Variants in RARA observed in about 807,000 individuals in gnomAD.
The protein encoded by RARA is PML-DDX5-RARA fusion.
A neutral mutation model predicts 42.8 loss-of-function variants in RARA; 5 were observed. The ratio of observed to expected loss-of-function variants is 0.12; its 90% CI spans 0.06 to 0.25. The LOEUF (loss-of-function observed/expected upper bound fraction) is 0.25, where lower values mean the gene tolerates loss of function less well. Ranked by LOEUF, RARA falls within the 10% of genes least tolerant of loss-of-function variation. The pLI is 1.00. For missense variants in RARA, 402 were observed against 628.7 expected (o/e 0.64, Z 3.86); for synonymous variants, 256 against 259.5 (o/e 0.99, Z 0.13).
At chr17:40,324,904 C>A (rs937430425) in intron 1 of RARA, among the ~76,000 whole-genome samples, 1 of 152,118 alleles carries the variant, frequency 6.6e-6, no homozygotes, top group Non-Finnish European at 1.5e-5. Context: ...TCCAGCTATC[C>A]CAGCCACCCT....
chr17:40,354,335 C>G lies in RARA; in HGVS notation c.841C>G (p.Gln281Glu), dbSNP rs1367641937. ...GATCTGCACGCGGTACACGCCCGAG[C>G]AGGACACCATGACCTTCTCGGACGG... is the stretch of plus-strand genomic sequence containing the variant. ...LRICTRYTPE[Q>E]DTMTFSDGLT... The change falls in exon 7 of 9, where the codon CAG becomes GAG. Residue 281 changes from glutamine (Q) to glutamate (E), a missense_variant. Coordinates refer to ENST00000254066, the MANE Select transcript of RARA (RefSeq NM_000964.4). The surrounding 1 kb of genome is among the most constrained non-coding windows in gnomAD (Gnocchi z 4.5). The G allele has an allele frequency of 6.2e-7, 1 of 1,614,174 alleles. No homozygotes were observed. Among genetic ancestry groups the G allele is most frequent in the African/African-American group, 1.3e-5 (1 of 75,044 alleles).
rs370863453 is a variant in RARA, at chr17:40,355,985, C to T, written c.1172-24C>T. 7.6e-6 allele frequency: 12 copies of T among 1,577,158 alleles called. No homozygotes were observed. In the African/African-American group the frequency reaches 1.2e-4, roughly 16 times the overall value. On this transcript the variant is annotated intron_variant, in intron 8 of 8. Transcript: ENST00000254066. The surrounding 1 kb of genome is among the most constrained non-coding windows in gnomAD (Gnocchi z 4.1). The stretch of plus-strand genomic sequence containing the variant: ...TGGGAGGGCTGGCCCAGCGTGCTGA[C>T]CTCTGCCCCCTCCTTTCCTGCAGGG...
rs570531351 is a variant in RARA, at chr17:40,353,131, G to T, written c.807+624G>T. ...GCCTGAAGGATGATGTCTCAGAGGA[G>T]GTGACATCTAGGGGTTTGTAGAGGG... On this transcript the variant is annotated intron_variant, in intron 6 of 8. Coordinates refer to ENST00000254066, the MANE Select transcript of RARA (RefSeq NM_000964.4). 3.3e-3 allele frequency among the ~76,000 whole-genome samples: 498 copies of T among 152,262 alleles called. 2 individuals are homozygous for T. Among genetic ancestry groups the T allele is most frequent in the African/African-American group, 0.011 (475 of 41,542 alleles).
intron 2 of RARA, among the ~76,000 whole-genome samples, chr17:40,336,647 C>T (rs1166716710): frequency 2.4e-4 from 35 of 144,434 alleles, no homozygotes; most frequent in Middle Eastern, 4.3e-3. Context: ...CTCGGCCTCC[C>T]AAAGTGCTGG....
intron 1 of RARA, among the ~76,000 whole-genome samples, chr17:40,315,171 T>TATATACAC (rs1247793097): frequency 1.7e-4 from 13 of 76,560 alleles, no homozygotes; most frequent in African/African-American, 3.5e-4. Context: ...TATATATATA[T>TATATACAC]ACACACACAC....
intron 1 of RARA, among the ~76,000 whole-genome samples, chr17:40,316,010 T>C (rs1374328151): frequency 6.6e-6 from 1 of 152,192 alleles, no homozygotes; most frequent in Non-Finnish European, 1.5e-5. Flanking sequence ...GGAAGCCCTG[T>C]TATGAGCCCA....
chr17:40,346,602 C>T (rs1285600047), intron 2 of RARA, among the ~76,000 whole-genome samples: 1 of 152,064 alleles, frequency 6.6e-6, no homozygotes, highest in Non-Finnish European at 1.5e-5. Flanking sequence ...TTGTGGCTCA[C>T]CCCCTCTGCC....
chr17:40,316,197 C>G (rs1240868277), intron 1 of RARA, among the ~76,000 whole-genome samples: 3 of 152,206 alleles, frequency 2.0e-5, no homozygotes, highest in South Asian at 2.1e-4. Flanking sequence ...TTTGTACACA[C>G]GGGTGCTGGT....
At chr17:40,350,706 AG>A (rs1455813670) in intron 4 of RARA, among the ~76,000 whole-genome samples, 1 of 149,494 alleles carries the variant, frequency 6.7e-6, no homozygotes, top group East Asian at 2.0e-4. Context: ...GGCAGTGGGG[AG>A]GGGGCACGGG....
intron 1 of RARA, among the ~76,000 whole-genome samples, chr17:40,314,224 GACAGCCCACCCC>G (rs2033149641): frequency 1.3e-5 from 2 of 151,016 alleles, no homozygotes; most frequent in Admixed American, 6.6e-5. Context: ...GGGATTGGGT[GACAGCCCACCCC>G]ATCAGCTCTG....
intron 1 of RARA, among the ~76,000 whole-genome samples, chr17:40,314,020 T>C (rs1164475080): frequency 1.3e-5 from 2 of 152,160 alleles, no homozygotes; most frequent in East Asian, 1.9e-4. Context: ...ATTCTTTCTG[T>C]TGGTCTCTGT....
chr17:40,314,974 T>G (rs932223165), intron 1 of RARA, among the ~76,000 whole-genome samples: 17 of 151,602 alleles, frequency 1.1e-4, no homozygotes, highest in Non-Finnish European at 8.8e-5. Flanking sequence ...AGGATGGCGC[T>G]TCTCCCTTGT....
At chr17:40,343,544 C>T (rs1013372352) in intron 2 of RARA, among the ~76,000 whole-genome samples, 1 of 152,196 alleles carries the variant, frequency 6.6e-6, no homozygotes, top group Non-Finnish European at 1.5e-5. Flanking sequence ...GCTTTCATCC[C>T]CAGGAGTGGA....
At chr17:40,342,070 A>C in intron 2 of RARA, 1 of 1,050,824 alleles carries the variant, frequency 9.5e-7, no homozygotes, top group Non-Finnish European at 1.1e-6. Context: ...GGAATGGGTT[A>C]AGCCAGGGGC....
chr17:40,339,913 C>T (rs1323224611), intron 2 of RARA, among the ~76,000 whole-genome samples: 1 of 152,126 alleles, frequency 6.6e-6, no homozygotes, highest in African/African-American at 2.4e-5. Context: ...CTGTCCTCTT[C>T]GCCATTAGTC....
At chr17:40,350,159 C>G in intron 4 of RARA, 1 of 558,740 alleles carries the variant, frequency 1.8e-6, no homozygotes, top group Non-Finnish European at 3.1e-6. Context: ...TATGTGTAAC[C>G]ATTCCTGTTT....
At position 40,356,791 on chromosome 17, in the gene RARA, A is replaced by G; in HGVS notation, c.*565A>G. Reference sequence around the variant, plus strand: ...TTTTTTAATAAGAATTTTCATTTTAAGCACATTTATACTGAAGGAATTTGT... The same window carrying G: ...TTTTTTAATAAGAATTTTCATTTTAGGCACATTTATACTGAAGGAATTTGT... On this transcript the variant is annotated 3_prime_UTR_variant, in exon 9 of 9. Coordinates refer to ENST00000254066, the MANE Select transcript of RARA (RefSeq NM_000964.4). 2.0e-6 allele frequency: 1 copy of G among 488,158 alleles called. No homozygotes were observed. The highest frequency in any genetic ancestry group is 3.9e-6 in the Non-Finnish European group (1 of 256,678). The allele number at this position is 488,158 out of a possible 1,614,324, so 30.2% of individuals were successfully genotyped here.
intron 2 of RARA, among the ~76,000 whole-genome samples, chr17:40,344,991 AGGT>A (rs753818133): frequency 3.3e-4 from 51 of 152,284 alleles, no homozygotes; most frequent in Non-Finnish European, 5.6e-4. Context: ...CTGCCACTGA[AGGT>A]GGGAAGAGCA....
At position 40,355,313 on chromosome 17, in the gene RARA, C is replaced by T; in HGVS notation, c.1063C>T (p.Leu355=). ...CCGGGTGGACATGCTGCAGGAGCCG[C>T]TGCTGGAGGCGCTAAAGGTCTACGT... is the stretch of plus-strand genomic sequence containing the variant. ...PDRVDMLQEP[L]LEALKVYVRK... The change falls in exon 8 of 9, where the codon CTG becomes TTG. Residue 355 remains leucine (L), a synonymous_variant. Transcript: ENST00000254066. This position sits in a 1 kb window ranked among gnomAD's most constrained non-coding sequence, Gnocchi z 4.1. 6.2e-7 allele frequency: 1 copy of T among 1,607,296 alleles called. No individual in the cohort carries two copies. Among genetic ancestry groups the T allele is most frequent in the Non-Finnish European group, 8.5e-7 (1 of 1,176,774 alleles).
Sources: allele counts gnomAD v4.1 joint callset (sites outside exome capture counted in the v4.1 genomes callset), GRCh38; gene constraint gnomAD v4.1.1; non-coding constraint Gnocchi (gnomAD v3.1); transcripts MANE v1.5; gene names NCBI Gene and HGNC (gene_info 2026-07-23, HGNC 2026-07-21).